VWA3B: variants seen among roughly 807,000 people sequenced by gnomAD.
VWA3B encodes von Willebrand factor A domain-containing protein 3B.
A neutral mutation model predicts 158.3 loss-of-function variants in VWA3B; 138 were observed. That is an observed-to-expected ratio of 0.87 (90% CI 0.76 to 1.00). VWA3B has a LOEUF of 1.00. Ranked by LOEUF, VWA3B falls within the 50% of genes least tolerant of loss-of-function variation. The pLI, the probability that VWA3B is intolerant of heterozygous loss-of-function variation, is 0.00. For synonymous variants in VWA3B, 596 were observed against 587.3 expected (o/e 1.01, Z -0.21); for missense variants, 1,555 against 1,565.1 (o/e 0.99, Z 0.11).
At position 98,093,089 on chromosome 2, in the gene VWA3B, A is replaced by G. The variant is rs1017563538; in HGVS notation, c.-4A>G. ...TTTGCTGTGACTTAGATCTTGATTC[A>G]GAGATGGAGAAATCAGGCCCATCTT... On this transcript the variant is annotated 5_prime_UTR_variant, in exon 2 of 28. Coordinates refer to ENST00000477737, the MANE Select transcript of VWA3B (RefSeq NM_144992.5). 3 of 1,612,656 alleles carry G rather than the reference A, an allele frequency of 1.9e-6. No individual in the cohort carries two copies.
At chr2:98,279,328 G>T (rs1354013463) in intron 22 of VWA3B, among the ~76,000 whole-genome samples, 1 of 152,174 alleles carries the variant, frequency 6.6e-6, no homozygotes, top group Admixed American at 6.5e-5. Context: ...TTAGAACCAG[G>T]CTGTCTTTTC....
the VWA3B span, among the ~76,000 whole-genome samples, chr2:98,320,998 G>A: frequency 6.6e-6 from 1 of 152,196 alleles, no homozygotes; most frequent in Non-Finnish European, 1.5e-5. Flanking sequence ...TTTGTGGACT[G>A]GGCCCAGGAC....
chr2:98,298,096 C>T (rs62155296), intron 24 of VWA3B, 65 bp downstream of exon 24: 79,316 of 1,364,958 alleles, frequency 0.058, 2,780 homozygotes, highest in Non-Finnish European at 0.067. Flanking sequence ...AATAACAGAA[C>T]GCCAAGGCCA....
chr2:98,294,924 G>A (rs955866587), intron 23 of VWA3B, among the ~76,000 whole-genome samples: 1 of 152,198 alleles, frequency 6.6e-6, no homozygotes, highest in African/African-American at 2.4e-5. Context: ...AACTGGCTGT[G>A]TAGATTAAAT....
chr2:98,236,240 C>T, intron 17 of VWA3B, 150 bp from the exon 18 acceptor site: 1 of 838,684 alleles, frequency 1.2e-6, no homozygotes, highest in Non-Finnish European at 1.9e-6. Flanking sequence ...GCCTGAGAGC[C>T]CGCTCTGACA....
the VWA3B span, among the ~76,000 whole-genome samples, chr2:98,327,876 C>T: frequency 7.9e-5 from 12 of 152,314 alleles, no homozygotes; most frequent in Admixed American, 2.0e-4. Flanking sequence ...ACGTACCCCA[C>T]GAAACCTCAT....
chr2:98,247,394 A>T (rs2105786072), intron 19 of VWA3B, among the ~76,000 whole-genome samples: 1 of 152,238 alleles, frequency 6.6e-6, no homozygotes, highest in African/African-American at 2.4e-5. Context: ...AGTCATTAAA[A>T]ACCTTTCCCC....
chr2:98,250,956 TG>T (rs1485461702), intron 20 of VWA3B, among the ~76,000 whole-genome samples: 4 of 151,924 alleles, frequency 2.6e-5, no homozygotes, highest in Admixed American at 1.3e-4. Flanking sequence ...AAATACAGGC[TG>T]GGTGTGGTGG....
intron 22 of VWA3B, among the ~76,000 whole-genome samples, chr2:98,279,702 G>A (rs932860720): frequency 2.6e-5 from 4 of 152,192 alleles, no homozygotes; most frequent in African/African-American, 9.7e-5. Flanking sequence ...GAAGGAAAGC[G>A]TGTTCCTGGA....
At chr2:98,206,126 A>C (rs888390092) in intron 12 of VWA3B, 1 of 152,228 alleles carries the variant, frequency 6.6e-6, no homozygotes, top group Non-Finnish European at 1.5e-5. Flanking sequence ...ATTGGGCAAC[A>C]CTCAGTCTCC....
intron 6 of VWA3B, among the ~76,000 whole-genome samples, chr2:98,129,550 G>T (rs2105024025): frequency 6.6e-6 from 1 of 152,260 alleles, no homozygotes; most frequent in South Asian, 2.1e-4. Flanking sequence ...GCTTGGGATT[G>T]GGGGAGCACA....
chr2:98,168,406 C>G (rs1679287658), intron 8 of VWA3B, among the ~76,000 whole-genome samples: 1 of 151,444 alleles, frequency 6.6e-6, no homozygotes, highest in African/African-American at 2.4e-5. Flanking sequence ...CACACACACA[C>G]ACAAACTAAA....
At chr2:98,157,977 G>C (rs1361776741) in intron 7 of VWA3B, among the ~76,000 whole-genome samples, 1 of 152,174 alleles carries the variant, frequency 6.6e-6, no homozygotes, top group Non-Finnish European at 1.5e-5. Flanking sequence ...CTTGGGGGAA[G>C]TCTTGCTTAC....
intron 8 of VWA3B, among the ~76,000 whole-genome samples, chr2:98,172,355 TGCTGGC>T (rs1310500577): frequency 0.18 from 61 of 348 alleles, 1 homozygote; most frequent in South Asian, 0.36. Context: ...GTCAGGGGCC[TGCTGGC>T]CAGGGGCCTG....
At chr2:98,093,514 T>C (rs1682502927) in intron 2 of VWA3B, among the ~76,000 whole-genome samples, 1 of 152,216 alleles carries the variant, frequency 6.6e-6, no homozygotes, top group Non-Finnish European at 1.5e-5. Flanking sequence ...ATCCTTTCTT[T>C]TTTACTTTTT....
chr2:98,312,507 C>T lies in VWA3B; in HGVS notation c.*158C>T, dbSNP rs1690973162. Reference sequence around the variant, plus strand: ...TAGCAAAGACTCCTCTCCCCTCCATCCCTGCTGCCTCCCCTACCCGTTTGA... The same window carrying T: ...TAGCAAAGACTCCTCTCCCCTCCATTCCTGCTGCCTCCCCTACCCGTTTGA... On this transcript the variant is annotated 3_prime_UTR_variant, in exon 28 of 28. Transcript: ENST00000477737. 1.2e-6 allele frequency: 1 copy of T among 856,426 alleles called. No individual in the cohort carries two copies. Among genetic ancestry groups the T allele is most frequent in the Non-Finnish European group, 1.7e-6 (1 of 582,504 alleles). 53.1% of individuals were successfully genotyped at this position (856,426 alleles called of 1,614,324 possible).
At chr2:98,155,130 G>T (rs75824489) in intron 7 of VWA3B, among the ~76,000 whole-genome samples, 1 of 152,144 alleles carries the variant, frequency 6.6e-6, no homozygotes, top group African/African-American at 2.4e-5. Flanking sequence ...GGCCATCCCC[G>T]TGGGTGACAG....
At chr2:98,144,252 A>G (rs1442596288) in intron 7 of VWA3B, among the ~76,000 whole-genome samples, 1 of 152,198 alleles carries the variant, frequency 6.6e-6, no homozygotes, top group Non-Finnish European at 1.5e-5. Flanking sequence ...TAACCAATCA[A>G]TAAATTATAG....
chr2:98,174,149 A>C (rs1248604003), intron 8 of VWA3B, among the ~76,000 whole-genome samples: 1 of 152,208 alleles, frequency 6.6e-6, no homozygotes, highest in Non-Finnish European at 1.5e-5. Flanking sequence ...AACCTTTTTC[A>C]TAACTCTAGA....
Sources: gnomAD v4.1 joint callset for allele counts (sites outside exome capture counted in the v4.1 genomes callset) on GRCh38, gnomAD v4.1.1 for gene constraint, MANE v1.5 for transcripts, NCBI Gene and HGNC (gene_info 2026-07-23, HGNC 2026-07-21) for gene names.